Variants in MAPK8 observed in about 807,000 individuals in gnomAD.
The protein encoded by MAPK8 is mitogen-activated protein kinase 8, also known as JUN N-terminal kinase.
MAPK8 carries 13 observed loss-of-function variants against 52.9 expected under a neutral mutation model. That is an observed-to-expected ratio of 0.25 (90% CI 0.16 to 0.39). The LOEUF (loss-of-function observed/expected upper bound fraction) is 0.39, where lower values mean the gene tolerates loss of function less well. Ranked by LOEUF, MAPK8 falls within the 10% of genes least tolerant of loss-of-function variation. MAPK8 has a pLI of 1.00. For missense variants in MAPK8, 300 were observed against 519.2 expected (o/e 0.58, Z 4.10); for synonymous variants, 191 against 169.8 (o/e 1.12, Z -0.97).
chr10:48,430,928 T>C (rs1018426932), intron 10 of MAPK8: 11 of 462,000 alleles, frequency 2.4e-5, no homozygotes, highest in African/African-American at 2.2e-4. Context: ...AGAAAGCTTC[T>C]ACCCCAGCAC....
At chr10:48,329,392 T>A (rs2132233837) in intron 1 of MAPK8, among the ~76,000 whole-genome samples, 1 of 152,320 alleles carries the variant, frequency 6.6e-6, no homozygotes, top group Middle Eastern at 3.4e-3. Flanking sequence ...TTGAGATCCC[T>A]AATTGGAAGA....
intron 1 of MAPK8, among the ~76,000 whole-genome samples, chr10:48,353,243 G>A (rs1300606161): frequency 6.6e-6 from 1 of 152,092 alleles, no homozygotes; most frequent in East Asian, 1.9e-4. Context: ...ATTTTTCTAC[G>A]ATTTATATGA....
At position 48,342,596 on chromosome 10, in the gene MAPK8, A is replaced by G. The variant is rs143672137; in HGVS notation, c.-50+35775A>G. On this transcript the variant is annotated intron_variant, in intron 1 of 11. Coordinates refer to ENST00000374189, the MANE Select transcript of MAPK8 (RefSeq NM_001323329.2). Reference sequence around the variant, plus strand: ...AACTATTGCAGTTATCCAGGAAGACATGATGGTAGCTTGAAATGTAGTCGT... The same window carrying G: ...AACTATTGCAGTTATCCAGGAAGACGTGATGGTAGCTTGAAATGTAGTCGT... Among the ~76,000 whole-genome samples the G allele has an allele frequency of 1.5e-3, 225 of 152,328 alleles. 1 individual carries two copies. The highest frequency in any genetic ancestry group is 5.0e-3 in the African/African-American group (209 of 41,570).
chr10:48,307,864 G>A (rs529838271), intron 1 of MAPK8, among the ~76,000 whole-genome samples: 1 of 152,158 alleles, frequency 6.6e-6, no homozygotes, highest in Admixed American at 6.5e-5. Flanking sequence ...AAGAGGTTTG[G>A]TGTGAAGGTA....
chr10:48,438,167 A>T lies in MAPK8; in HGVS notation c.*3138A>T, dbSNP rs2045008296. ...TAGTTACACATTAGCTATAGAGTGG[A>T]TGCATGAAGCCCCATGACACCAGTA... On this transcript the variant is annotated 3_prime_UTR_variant, in exon 12 of 12. Coordinates refer to ENST00000374189, the MANE Select transcript of MAPK8 (RefSeq NM_001323329.2). The T allele has an allele frequency of 6.6e-6, 1 of 152,230 alleles. No homozygotes were observed. Among genetic ancestry groups the T allele is most frequent in the Admixed American group, 6.5e-5 (1 of 15,286 alleles). 9.4% of individuals were successfully genotyped at this position (152,230 alleles called of 1,614,324 possible). A position where few individuals can be genotyped will look rare whatever the true frequency, so the allele number is the denominator to read the frequency against.
intron 1 of MAPK8, among the ~76,000 whole-genome samples, chr10:48,377,567 A>C (rs981073202): frequency 5.9e-5 from 9 of 152,136 alleles, no homozygotes; most frequent in Non-Finnish European, 1.0e-4. Flanking sequence ...TCCTCAGAAG[A>C]GAAGATGCTC....
In MAPK8 at chr10:48,366,429, G is replaced by T. The variant is rs376403571; in HGVS notation, c.-49-35183G>T. Among the ~76,000 whole-genome samples the T allele has an allele frequency of 1.2e-4, 18 of 152,236 alleles. No individual in the cohort carries two copies. The East Asian group carries it at 2.7e-3, about 23-fold the overall frequency. ...ATGTCATACAGAAATTACCTGATTG[G>T]TGCAGGTTGGTGTTTGCCTTATTTG... is the stretch of plus-strand genomic sequence containing the variant. On this transcript the variant is annotated intron_variant, in intron 1 of 11. Transcript: ENST00000374189.
At chr10:48,354,067 G>T (rs968493129) in intron 1 of MAPK8, among the ~76,000 whole-genome samples, 1 of 152,150 alleles carries the variant, frequency 6.6e-6, no homozygotes, top group Non-Finnish European at 1.5e-5. Context: ...ATAGTAAGAT[G>T]TAACCATGGG....
intron 10 of MAPK8, among the ~76,000 whole-genome samples, chr10:48,427,592 C>T (rs1295354022): frequency 3.3e-5 from 5 of 151,914 alleles, no homozygotes; most frequent in South Asian, 2.1e-4. Context: ...CCCGGGTTCA[C>T]GCCATTCTCC....
At chr10:48,323,770 C>CA in intron 1 of MAPK8, among the ~76,000 whole-genome samples, 1 of 152,214 alleles carries the variant, frequency 6.6e-6, no homozygotes, top group African/African-American at 2.4e-5. Context: ...GGGTGTATTT[C>CA]AGAAGGTTTT....
intron 1 of MAPK8, among the ~76,000 whole-genome samples, chr10:48,354,508 T>C (rs964209525): frequency 6.6e-5 from 10 of 152,236 alleles, no homozygotes; most frequent in African/African-American, 2.4e-4. Flanking sequence ...TAGTTTTTAA[T>C]GTGCATCAGA....
intron 6 of MAPK8, among the ~76,000 whole-genome samples, chr10:48,421,975 T>C (rs1229384936): frequency 6.6e-6 from 1 of 151,928 alleles, no homozygotes; most frequent in African/African-American, 2.4e-5. Context: ...ACTTCCTCCT[T>C]TTAATGACAC....
intron 1 of MAPK8, among the ~76,000 whole-genome samples, chr10:48,341,902 C>T (rs1845310625): frequency 6.6e-6 from 1 of 152,202 alleles, no homozygotes; most frequent in African/African-American, 2.4e-5. Context: ...TTGAGTAGAA[C>T]ATTTGCACAG....
chr10:48,324,578 C>G (rs11101296), intron 1 of MAPK8, among the ~76,000 whole-genome samples: 6,118 of 145,824 alleles, frequency 0.042, 322 homozygotes, highest in East Asian at 0.29. Flanking sequence ...AGAATGTTTC[C>G]CATATTTTGG....
intron 1 of MAPK8, among the ~76,000 whole-genome samples, chr10:48,349,078 C>T (rs1279222736): frequency 6.6e-6 from 1 of 152,012 alleles, no homozygotes; most frequent in African/African-American, 2.4e-5. Flanking sequence ...GAAGAGCTAA[C>T]TCTCCTAAAT....
intron 1 of MAPK8, among the ~76,000 whole-genome samples, chr10:48,354,234 G>C (rs1017271840): frequency 6.6e-6 from 1 of 152,194 alleles, no homozygotes; most frequent in African/African-American, 2.4e-5. Context: ...ACAAGGGAAG[G>C]GAAGGTACAG....
chr10:48,403,859 C>T (rs930617100), intron 2 of MAPK8, among the ~76,000 whole-genome samples: 3 of 150,592 alleles, frequency 2.0e-5, no homozygotes, highest in Admixed American at 6.6e-5. Context: ...CGCCATTCTC[C>T]CGCCTCAGCC....
At chr10:48,414,945 A>G (rs1161871558) in intron 5 of MAPK8, among the ~76,000 whole-genome samples, 3 of 152,048 alleles carry the variant, frequency 2.0e-5, no homozygotes, top group African/African-American at 4.8e-5. Context: ...ATCTGCGTCA[A>G]ATAACCTTAC....
chr10:48,387,938 C>T lies in MAPK8; in HGVS notation c.-49-13674C>T, dbSNP rs144864245. ...GTGTGTAAAGCCAAAGTCAGAATCA[C>T]CCTTGAAAGTTCCTCAACTCATAAA... is the stretch of plus-strand genomic sequence containing the variant. On this transcript the variant is annotated intron_variant, in intron 1 of 11. Coordinates refer to ENST00000374189, the MANE Select transcript of MAPK8 (RefSeq NM_001323329.2). Among the ~76,000 whole-genome samples the T allele has an allele frequency of 8.0e-3, 1,223 of 152,218 alleles. 3 individuals carry two copies. Among genetic ancestry groups the T allele is most frequent in the Non-Finnish European group, 9.5e-3 (645 of 67,996 alleles).
Sources: gnomAD v4.1 joint callset for allele counts (sites outside exome capture counted in the v4.1 genomes callset) on GRCh38, gnomAD v4.1.1 for gene constraint, MANE v1.5 for transcripts, NCBI Gene and HGNC (gene_info 2026-07-23, HGNC 2026-07-21) for gene names.